Variants in UNC13C observed in about 807,000 individuals in gnomAD.
UNC13C encodes the protein protein unc-13 homolog C.
Under a neutral mutation model 245.4 loss-of-function variants are expected in UNC13C, and 174 were observed. That is an observed-to-expected ratio of 0.71 (90% CI 0.63 to 0.80). The LOEUF (loss-of-function observed/expected upper bound fraction) is 0.80, where lower values mean the gene tolerates loss of function less well. Among genes scored for constraint, UNC13C ranks in the 30% least tolerant of loss-of-function variants. The pLI is 0.00. For synonymous variants in UNC13C, 992 were observed against 895.1 expected (o/e 1.11, Z -1.93); for missense variants, 2,829 against 2,602.9 (o/e 1.09, Z -1.89).
chr15:54,167,963 C>T (rs1414761939), intron 4 of UNC13C, among the ~76,000 whole-genome samples: 1 of 152,098 alleles, frequency 6.6e-6, no homozygotes, highest in Non-Finnish European at 1.5e-5. Flanking sequence ...ACTAAAACAA[C>T]ATCTAATTTT....
chr15:54,601,217 C>A (rs975555734), intron 30 of UNC13C, among the ~76,000 whole-genome samples: 5 of 152,158 alleles, frequency 3.3e-5, no homozygotes, highest in Non-Finnish European at 5.9e-5. Flanking sequence ...AAATAAGCAA[C>A]AAACATGTTT....
chr15:54,484,476 C>G (rs1376604766), intron 19 of UNC13C, among the ~76,000 whole-genome samples: 1 of 152,062 alleles, frequency 6.6e-6, no homozygotes, highest in Non-Finnish European at 1.5e-5. Flanking sequence ...AAATGGCATA[C>G]AGAGAAAGGA....
intron 2 of UNC13C, among the ~76,000 whole-genome samples, chr15:54,086,113 A>T (rs765098635): frequency 1.4e-4 from 22 of 152,190 alleles, no homozygotes; most frequent in Non-Finnish European, 7.4e-5. Context: ...GAGGATATAC[A>T]ATAAGTTAGT....
At chr15:54,236,281 A>G in intron 5 of UNC13C, 149 bp from the exon 6 acceptor site, 4 of 594,586 alleles carry the variant, frequency 6.7e-6, no homozygotes, top group Non-Finnish European at 1.2e-5. Context: ...AAAGTATAAC[A>G]TGTCAGTACA....
intron 2 of UNC13C, among the ~76,000 whole-genome samples, chr15:54,082,701 G>A (rs918595775): frequency 2.6e-5 from 4 of 152,096 alleles, no homozygotes; most frequent in East Asian, 1.9e-4. Flanking sequence ...AGGAACCGTC[G>A]CTTCTTATTT....
intron 4 of UNC13C, among the ~76,000 whole-genome samples, chr15:54,145,286 A>T (rs978420537): frequency 3.3e-5 from 5 of 152,146 alleles, no homozygotes; most frequent in African/African-American, 1.2e-4. Flanking sequence ...TTGTTATTAA[A>T]TACATCCACA....
At chr15:54,047,053 T>G (rs1897069156) in intron 2 of UNC13C, among the ~76,000 whole-genome samples, 1 of 152,010 alleles carries the variant, frequency 6.6e-6, no homozygotes, top group African/African-American at 2.4e-5. Flanking sequence ...CACATAAGAT[T>G]TTCTAAGCGG....
intron 30 of UNC13C, among the ~76,000 whole-genome samples, chr15:54,583,147 C>T (rs891195519): frequency 8.5e-5 from 13 of 152,218 alleles, no homozygotes; most frequent in African/African-American, 2.2e-4. Flanking sequence ...CCTCACGCCA[C>T]ACCATTCCTA....
the UNC13C span, among the ~76,000 whole-genome samples, chr15:53,869,006 G>A: frequency 1.3e-5 from 2 of 152,268 alleles, no homozygotes; most frequent in East Asian, 3.9e-4. Flanking sequence ...GCTACTCAGA[G>A]GCTGAGGTGG....
At chr15:54,367,328 A>G (rs1287326544) in intron 17 of UNC13C, among the ~76,000 whole-genome samples, 1 of 152,208 alleles carries the variant, frequency 6.6e-6, no homozygotes, top group Non-Finnish European at 1.5e-5. Context: ...CTACCTATTC[A>G]TAAAGGCACA....
intron 18 of UNC13C, among the ~76,000 whole-genome samples, chr15:54,403,878 T>C (rs1292692794): frequency 2.0e-5 from 3 of 152,156 alleles, no homozygotes; most frequent in Admixed American, 6.5e-5. Context: ...ATGGCACTTA[T>C]GATCAACTTG....
At chr15:53,839,439 T>G in the UNC13C span, among the ~76,000 whole-genome samples, 1 of 152,188 alleles carries the variant, frequency 6.6e-6, no homozygotes, top group Non-Finnish European at 1.5e-5. Context: ...GTTTTAGAAT[T>G]GTTTCATTAT....
rs1049193604 is a variant in UNC13C, at chr15:54,014,120, C to T, written c.1217C>T (p.Thr406Ile). 1 of 1,613,576 alleles carries T rather than the reference C, an allele frequency of 6.2e-7. No individual in the cohort carries two copies. The highest frequency in any genetic ancestry group is 8.5e-7 in the Non-Finnish European group (1 of 1,179,824). ...KLKGTGIGIS[T>I]DILTHDIRER... ...AAAGGAACAGGCATTGGAATCTCAA[C>T]AGATATTCTAACTCATGACATCAGA... Residue 406 changes from threonine to isoleucine, a missense_variant, in exon 2 of 33, where the codon ACA becomes ATA. Thr to Ile is a moderately conservative substitution (Grantham distance 89, BLOSUM62 -1). Transcript: ENST00000260323.
At chr15:54,306,368 A>G (rs1778739864) in intron 13 of UNC13C, among the ~76,000 whole-genome samples, 1 of 152,000 alleles carries the variant, frequency 6.6e-6, no homozygotes, top group African/African-American at 2.4e-5. Context: ...TAAAATAAAA[A>G]CAATTTTCTA....
At chr15:54,320,106 CTG>C (rs1181202320) in intron 13 of UNC13C, among the ~76,000 whole-genome samples, 9 of 151,922 alleles carry the variant, frequency 5.9e-5, no homozygotes, top group African/African-American at 2.2e-4. Flanking sequence ...ATCATACAAA[CTG>C]GACTCAAGTC....
chr15:53,903,975 G>T, the UNC13C span, among the ~76,000 whole-genome samples: 431 of 152,300 alleles, frequency 2.8e-3, 2 homozygotes, highest in African/African-American at 0.01. Flanking sequence ...CAGTGACATT[G>T]TGCAGGGACA....
At chr15:54,390,201 T>A (rs895713847) in intron 17 of UNC13C, among the ~76,000 whole-genome samples, 14 of 152,244 alleles carry the variant, frequency 9.2e-5, no homozygotes, top group Non-Finnish European at 1.5e-4. Flanking sequence ...AGATATCATT[T>A]GTTATTTCAA....
chr15:54,597,978 G>A (rs1274834351), intron 30 of UNC13C, among the ~76,000 whole-genome samples: 1 of 152,142 alleles, frequency 6.6e-6, no homozygotes, highest in East Asian at 1.9e-4. Flanking sequence ...ACCTAGCAAA[G>A]GAATATGATG....
At chr15:54,236,614 A>T (rs1362701761) in intron 6 of UNC13C, among the ~76,000 whole-genome samples, 179 bp downstream of exon 6, 2 of 152,220 alleles carry the variant, frequency 1.3e-5, no homozygotes, top group Non-Finnish European at 1.5e-5. Flanking sequence ...AAAATTATGT[A>T]TGCAACAGGT....
Sources: allele counts gnomAD v4.1 joint callset (sites outside exome capture counted in the v4.1 genomes callset), GRCh38; gene constraint gnomAD v4.1.1; transcripts MANE v1.5; gene names NCBI Gene and HGNC (gene_info 2026-07-23, HGNC 2026-07-21).